The following TLE2 variants were observed in gnomAD, a reference collection of about 807,000 sequenced individuals.
The protein encoded by TLE2 is transducin-like enhancer protein 2.
A neutral mutation model predicts 97.2 loss-of-function variants in TLE2; 74 were observed. That is an observed-to-expected ratio of 0.76 (90% CI 0.63 to 0.92). The LOEUF is 0.92. Ranked by LOEUF, TLE2 falls within the 40% of genes least tolerant of loss-of-function variation. The pLI is 0.00. For synonymous variants in TLE2, 499 were observed against 432.1 expected, an observed-to-expected ratio of 1.15 and a Z score of -1.92; for missense variants, 1,038 against 1,008.7, an observed-to-expected ratio of 1.03 and a Z score of -0.39.
chr19:3,014,695 G>A lies in TLE2; in HGVS notation c.679-81C>T, dbSNP rs2145160118. 2.2e-6 allele frequency: 3 copies of A among 1,352,088 alleles called. No homozygotes were observed. In the South Asian group the frequency reaches 4.7e-5, roughly 21 times the overall value. The allele number at this position is 1,352,088 out of a possible 1,614,324, so 83.8% of individuals were successfully genotyped here. On this transcript the variant is annotated intron_variant, in intron 9 of 19. Coordinates refer to ENST00000262953, the MANE Select transcript of TLE2 (RefSeq NM_003260.5). The stretch of plus-strand genomic sequence containing the variant: ...CCTATCCGCTCCTCAGGAGTTGGAG[G>A]CATGAGCCCAGCCAGCCCTGGGGCA...
At chr19:3,030,461 G>C (rs1478860659), upstream of TLE2, among the ~76,000 whole-genome samples, 2 of 152,148 alleles carry the variant, frequency 1.3e-5, no homozygotes, top group African/African-American at 4.8e-5. Flanking sequence ...GCATACTGTG[G>C]ACCACACACT....
chr19:3,009,015 AC>A, intron 13 of TLE2, 70 bp from the exon 14 acceptor site: 1 of 1,231,248 alleles, frequency 8.1e-7, no homozygotes, highest in African/African-American at 1.5e-5. Flanking sequence ...CCCCACGCCC[AC>A]CTGCCATACC....
Position 3,014,560 on chromosome 19 carries a change from C to G in TLE2, c.723+10G>C, listed in dbSNP as rs2089661807. On this transcript the variant is annotated intron_variant, in intron 10 of 19. Coordinates refer to ENST00000262953, the MANE Select transcript of TLE2 (RefSeq NM_003260.5). Reference sequence around the variant, plus strand: ...CAGAGTCGGGGAAGAGGCTGGACCCCTGGACTCACCTCGTCCACCACCAGA... The same window carrying G: ...CAGAGTCGGGGAAGAGGCTGGACCCGTGGACTCACCTCGTCCACCACCAGA... 3 of 1,584,688 alleles carry G rather than the reference C, an allele frequency of 1.9e-6. No individual in the cohort carries two copies. The Admixed American group carries it at 5.3e-5, about 28-fold the overall frequency.
chr19:3,014,407 G>T (rs894779956), intron 10 of TLE2, among the ~76,000 whole-genome samples, 163 bp downstream of exon 10: 2 of 152,008 alleles, frequency 1.3e-5, no homozygotes, highest in African/African-American at 4.8e-5. Context: ...AGAGGAGGTC[G>T]GCCAGAGGTG....
intron 5 of TLE2, among the ~76,000 whole-genome samples, chr19:3,023,506 G>C (rs2089886025): frequency 6.6e-6 from 1 of 152,160 alleles, no homozygotes; most frequent in Non-Finnish European, 1.5e-5. Flanking sequence ...CTCTGGGTTT[G>C]GTCCTCAAGG....
chr19:3,018,923 T>G (rs557922450), intron 7 of TLE2, among the ~76,000 whole-genome samples: 1 of 152,050 alleles, frequency 6.6e-6, no homozygotes, highest in Non-Finnish European at 1.5e-5. Flanking sequence ...CAGCCTGTGC[T>G]TGACTAATTT....
chr19:3,043,140 T>C (rs895652704), intron 1 of TLE2, among the ~76,000 whole-genome samples: 1 of 150,414 alleles, frequency 6.6e-6, no homozygotes, highest in African/African-American at 2.4e-5. Flanking sequence ...TTTTTTGTTA[T>C]TGCTTTGAGA....
chr19:3,030,309 G>A (rs150460487), upstream of TLE2, among the ~76,000 whole-genome samples: 113 of 152,270 alleles, frequency 7.4e-4, no homozygotes, highest in Middle Eastern at 6.8e-3. Context: ...TCTCTCCCAC[G>A]GCAAAGGCTC....
chr19:3,016,734 G>A (rs2089715286), intron 8 of TLE2, among the ~76,000 whole-genome samples: 1 of 152,118 alleles, frequency 6.6e-6, no homozygotes, highest in Non-Finnish European at 1.5e-5. Context: ...AAGGGTCCAA[G>A]GTCATGCATT....
At chr19:3,046,231 C>A (rs1297983929), upstream of TLE2, among the ~76,000 whole-genome samples, 1 of 152,220 alleles carries the variant, frequency 6.6e-6, no homozygotes, top group Non-Finnish European at 1.5e-5. Context: ...TCATTTCTAG[C>A]TCCCTAATTC....
rs768765477 is a variant in TLE2, at chr19:3,006,464, C to T, written c.1456G>A (p.Gly486Ser). The change falls in exon 15 of 20, where the codon GGC becomes AGC. Residue 486 changes from glycine (G) to serine (S), a missense_variant. Physicochemically the swap from Gly to Ser is moderately conservative, Grantham distance 56. Transcript: ENST00000262953. ...ACGGGCGTCTTGGCCCCAGGCTGGCCCACGTCCCACACCTTCACACAGCCC... is the reference window on the plus strand; with the variant it reads ...ACGGGCGTCTTGGCCCCAGGCTGGCTCACGTCCCACACCTTCACACAGCCC... ...GKGCVKVWDV[G>S]QPGAKTPVAQ... is the part of the protein sequence containing the mutation. The T allele has an allele frequency of 6.2e-6, 10 of 1,610,734 alleles. No individual in the cohort carries two copies. Among genetic ancestry groups the T allele is most frequent in the Admixed American group, 1.7e-5 (1 of 59,932 alleles).
intron 18 of TLE2, among the ~76,000 whole-genome samples, chr19:3,002,078 G>A (rs545316421): frequency 1.4e-4 from 21 of 152,158 alleles, no homozygotes; most frequent in Admixed American, 9.2e-4. Context: ...GATGACAGGC[G>A]TGAGCTACCA....
chr19:2,998,218 C>T (rs1022701126), intron 19 of TLE2, among the ~76,000 whole-genome samples: 18 of 147,456 alleles, frequency 1.2e-4, no homozygotes, highest in African/African-American at 4.4e-4. Flanking sequence ...TTATAGGCGC[C>T]CGCAACCACG....
intron 1 of TLE2, among the ~76,000 whole-genome samples, chr19:3,045,453 C>T (rs993909249): frequency 6.6e-6 from 1 of 152,164 alleles, no homozygotes; most frequent in South Asian, 2.1e-4. Flanking sequence ...TGCCTGGAAT[C>T]GGTCTTTCAA....
chr19:3,006,160 C>T lies in TLE2; in HGVS notation c.1501-192G>A, dbSNP rs751243889. ...TGCCCCATCTGACTATAAGCTCCATCCTTTACCTATAAGCCCCACCCATGG... is the reference window on the plus strand; with the variant it reads ...TGCCCCATCTGACTATAAGCTCCATTCTTTACCTATAAGCCCCACCCATGG... On this transcript the variant is annotated intron_variant, in intron 15 of 19. Transcript: ENST00000262953. 4 of 942,646 alleles carry T rather than the reference C, an allele frequency of 4.2e-6. No individual in the cohort carries two copies. The South Asian group carries it at 5.2e-5, about 12-fold the overall frequency. The allele number at this position is 942,646 out of a possible 1,614,324, so 58.4% of individuals were successfully genotyped here. A position where few individuals can be genotyped will look rare whatever the true frequency, so the allele number is the denominator to read the frequency against.
intron 17 of TLE2, 113 bp downstream of exon 17, chr19:3,005,324 G>A: frequency 7.3e-7 from 1 of 1,373,508 alleles, no homozygotes; most frequent in South Asian, 1.4e-5. Context: ...GGACACCACA[G>A]CAGATGGGAG....
chr19:3,040,845 G>T (rs946593638), intron 1 of TLE2, among the ~76,000 whole-genome samples: 1 of 147,896 alleles, frequency 6.8e-6, no homozygotes, highest in South Asian at 2.2e-4. Context: ...CTATATTATC[G>T]ACCTCAATCT....
At chr19:3,041,549 C>G (rs561630806) in intron 1 of TLE2, among the ~76,000 whole-genome samples, 1 of 152,292 alleles carries the variant, frequency 6.6e-6, no homozygotes, top group East Asian at 1.9e-4. Context: ...TCAGAGAGGC[C>G]TCCCCTCCTC....
At chr19:3,039,484 A>ACGGC (rs532963673) in intron 1 of TLE2, among the ~76,000 whole-genome samples, 4 of 152,154 alleles carry the variant, frequency 2.6e-5, no homozygotes, top group African/African-American at 9.6e-5. Flanking sequence ...TGCCTGAACC[A>ACGGC]CGGCCAGCCT....
Sources: gnomAD v4.1 joint callset for allele counts (sites outside exome capture counted in the v4.1 genomes callset) on GRCh38, gnomAD v4.1.1 for gene constraint, MANE v1.5 for transcripts, NCBI Gene and HGNC (gene_info 2026-07-23, HGNC 2026-07-21) for gene names.